FOXP2: variants seen among roughly 807,000 people sequenced by gnomAD.
FOXP2 encodes the protein forkhead box P2.
In FOXP2, 12 loss-of-function variants were observed where a neutral mutation model predicts 115.8. That is an observed-to-expected ratio of 0.10 (90% CI 0.07 to 0.17). The LOEUF is 0.17. Ranked by LOEUF, FOXP2 falls within the 10% of genes least tolerant of loss-of-function variation. The pLI is 1.00. For missense variants in FOXP2, 629 were observed against 843.5 expected (o/e 0.75, Z 3.15); for synonymous variants, 328 against 297.7 (o/e 1.10, Z -1.05).
intron 2 of FOXP2, among the ~76,000 whole-genome samples, chr7:114,457,475 T>C (rs1354900834): frequency 6.6e-6 from 1 of 152,194 alleles, no homozygotes; most frequent in Non-Finnish European, 1.5e-5. Flanking sequence ...AAAAGGAAGT[T>C]TCATTTACAT....
intron 2 of FOXP2, among the ~76,000 whole-genome samples, chr7:114,461,409 G>T (rs1032951814): frequency 3.3e-5 from 5 of 151,406 alleles, no homozygotes; most frequent in African/African-American, 4.8e-5. Flanking sequence ...CTTATTTCTA[G>T]GATATTTATT....
At chr7:114,381,953 G>A (rs2129191965) in intron 2 of FOXP2, among the ~76,000 whole-genome samples, 1 of 152,214 alleles carries the variant, frequency 6.6e-6, no homozygotes, top group Non-Finnish European at 1.5e-5. Flanking sequence ...CCAGACTTCA[G>A]GATTAATTCC....
chr7:114,162,141 C>G (rs988190330), upstream of FOXP2, among the ~76,000 whole-genome samples: 3 of 152,046 alleles, frequency 2.0e-5, no homozygotes, highest in Non-Finnish European at 4.4e-5. Context: ...TTATTGGAAA[C>G]TTAGGTTTTG....
chr7:114,377,176 G>A (rs1792161867), intron 2 of FOXP2, among the ~76,000 whole-genome samples: 1 of 152,122 alleles, frequency 6.6e-6, no homozygotes, highest in Admixed American at 6.5e-5. Context: ...TGACATTACT[G>A]TGCGATTTCT....
intron 1 of FOXP2, among the ~76,000 whole-genome samples, chr7:114,206,449 A>C (rs563615206): frequency 6.6e-6 from 1 of 152,200 alleles, no homozygotes; most frequent in South Asian, 2.1e-4. Flanking sequence ...TCAGCCAGGC[A>C]AGCACACCTC....
intron 2 of FOXP2, among the ~76,000 whole-genome samples, chr7:114,366,269 T>A (rs1276155484): frequency 1.3e-5 from 2 of 152,238 alleles, no homozygotes; most frequent in Non-Finnish European, 2.9e-5. Flanking sequence ...TAATAGCTGT[T>A]TGAGGTTATT....
At chr7:114,474,959 G>C (rs545123312) in intron 2 of FOXP2, among the ~76,000 whole-genome samples, 38 of 152,114 alleles carry the variant, frequency 2.5e-4, no homozygotes, top group South Asian at 2.1e-3. Flanking sequence ...TTATTCAAGA[G>C]AATGATGACA....
At chr7:114,540,171 A>G (rs1300024382) in intron 3 of FOXP2, among the ~76,000 whole-genome samples, 1 of 152,060 alleles carries the variant, frequency 6.6e-6, no homozygotes, top group Non-Finnish European at 1.5e-5. Flanking sequence ...GATTTGAAGT[A>G]TGCCCTTGTT....
chr7:114,092,820 TC>T (rs1333281914), intron 1 of FOXP2, among the ~76,000 whole-genome samples: 1 of 152,174 alleles, frequency 6.6e-6, no homozygotes, highest in Non-Finnish European at 1.5e-5. Flanking sequence ...AGCTAACTCT[TC>T]ACTTCCTTTT....
chr7:114,681,640 A>C, intron 16 of FOXP2, among the ~76,000 whole-genome samples: 1 of 152,180 alleles, frequency 6.6e-6, no homozygotes, highest in East Asian at 1.9e-4. Context: ...ATTGATCTGA[A>C]AGTGATCTGA....
At chr7:114,377,644 G>A (rs1313939833) in intron 2 of FOXP2, among the ~76,000 whole-genome samples, 1 of 152,300 alleles carries the variant, frequency 6.6e-6, no homozygotes, top group East Asian at 1.9e-4. Flanking sequence ...TAGAGCTCCA[G>A]GTTTCTGGCG....
chr7:114,247,673 T>C, intron 1 of FOXP2, among the ~76,000 whole-genome samples: 1 of 152,226 alleles, frequency 6.6e-6, no homozygotes, highest in East Asian at 1.9e-4. Flanking sequence ...ATGAATTTTA[T>C]TTGTTTTGCA....
chr7:114,649,105 T>G (rs1806086154), intron 8 of FOXP2, among the ~76,000 whole-genome samples: 1 of 152,070 alleles, frequency 6.6e-6, no homozygotes, highest in African/African-American at 2.4e-5. Flanking sequence ...TGTTAGTGAT[T>G]GCATGGGTAA....
At chr7:114,261,114 A>T (rs1298334133) in intron 1 of FOXP2, among the ~76,000 whole-genome samples, 1 of 152,210 alleles carries the variant, frequency 6.6e-6, no homozygotes, top group Non-Finnish European at 1.5e-5. Flanking sequence ...GTATGCTATT[A>T]GGTAAATTTT....
At chr7:114,558,281 A>T (rs1039949362) in intron 3 of FOXP2, among the ~76,000 whole-genome samples, 1 of 152,240 alleles carries the variant, frequency 6.6e-6, no homozygotes, top group Non-Finnish European at 1.5e-5. Flanking sequence ...ATCTTTATTT[A>T]AAACAGTATC....
intron 3 of FOXP2, among the ~76,000 whole-genome samples, chr7:114,612,076 C>T (rs1373400153): frequency 6.6e-6 from 1 of 152,030 alleles, no homozygotes; most frequent in Non-Finnish European, 1.5e-5. Flanking sequence ...TTAAAAGTGT[C>T]TAGAGATGAG....
chr7:114,491,960 T>C (rs1260601670), intron 2 of FOXP2, among the ~76,000 whole-genome samples: 7 of 152,230 alleles, frequency 4.6e-5, no homozygotes, highest in Non-Finnish European at 7.3e-5. Flanking sequence ...CTTTTTCTAT[T>C]GATTGGAATA....
intron 2 of FOXP2, among the ~76,000 whole-genome samples, chr7:114,432,061 A>C (rs953900216): frequency 6.6e-6 from 1 of 151,952 alleles, no homozygotes; most frequent in Non-Finnish European, 1.5e-5. Context: ...TTGCCTTCAA[A>C]AGCACACTCT....
intron 1 of FOXP2, among the ~76,000 whole-genome samples, chr7:114,249,505 G>T (rs1447097507): frequency 6.6e-5 from 10 of 152,072 alleles, no homozygotes; most frequent in Non-Finnish European, 1.3e-4. Flanking sequence ...GAGGATAATG[G>T]CTTCCAGCTC....
Sources: allele counts gnomAD v4.1 joint callset (sites outside exome capture counted in the v4.1 genomes callset), GRCh38; gene constraint gnomAD v4.1.1; transcripts MANE v1.5; gene names NCBI Gene and HGNC (gene_info 2026-07-23, HGNC 2026-07-21).